Variants in ABTB2 observed in about 807,000 individuals in gnomAD.
ABTB2 encodes ankyrin repeat and BTB/POZ domain-containing protein 2.
In ABTB2, 56 loss-of-function variants were observed where a neutral mutation model predicts 104.1. That is an observed-to-expected ratio of 0.54 (90% CI 0.43 to 0.67). ABTB2 has a LOEUF of 0.67. ABTB2 is among the 30% of genes least tolerant of loss of function. The pLI is 0.00. For missense variants in ABTB2, 1,279 were observed against 1,407.7 expected (o/e 0.91, Z 1.46); for synonymous variants, 606 against 608.2 (o/e 1.00, Z 0.05).
intron 1 of ABTB2, among the ~76,000 whole-genome samples, chr11:34,353,001 G>T (rs932749497): frequency 6.6e-6 from 1 of 152,224 alleles, no homozygotes; most frequent in African/African-American, 2.4e-5. Flanking sequence ...GTTCAAGGTT[G>T]CAGTGAACTA....
intron 1 of ABTB2, among the ~76,000 whole-genome samples, chr11:34,255,616 C>G (rs1854112493): frequency 6.6e-6 from 1 of 152,116 alleles, no homozygotes; most frequent in South Asian, 2.1e-4. Context: ...ACTTCAACTT[C>G]AAGCAATTCT....
At chr11:34,289,481 G>T (rs1255825664) in intron 1 of ABTB2, among the ~76,000 whole-genome samples, 3 of 152,068 alleles carry the variant, frequency 2.0e-5, no homozygotes, top group Admixed American at 1.3e-4. Flanking sequence ...CATTCTCAAA[G>T]GTAGAAAATG....
At chr11:34,221,849 G>A (rs1230533577) in intron 1 of ABTB2, among the ~76,000 whole-genome samples, 1 of 152,210 alleles carries the variant, frequency 6.6e-6, no homozygotes, top group African/African-American at 2.4e-5. Context: ...GACCAGCCTG[G>A]TCAACATGGC....
intron 1 of ABTB2, among the ~76,000 whole-genome samples, chr11:34,317,390 C>T (rs1220227193): frequency 6.6e-6 from 1 of 152,138 alleles, no homozygotes; most frequent in Non-Finnish European, 1.5e-5. Flanking sequence ...TTGTATTTTT[C>T]CCTTGATTGC....
At position 34,152,313 on chromosome 11, in the gene ABTB2, C is replaced by T; in HGVS notation, c.*74G>A. ...CCCGTGAACCTGGCTCCAAGAGGGC[C>T]TACAACCATACCCCGACATGGTGGG... On this transcript the variant is annotated 3_prime_UTR_variant, in exon 17 of 17. Coordinates refer to ENST00000435224, the MANE Select transcript of ABTB2 (RefSeq NM_145804.3). 1 of 1,484,576 alleles carries T rather than the reference C, an allele frequency of 6.7e-7. No individual in the cohort carries two copies. The highest frequency in any genetic ancestry group is 1.3e-5 in the South Asian group (1 of 77,446). 92.0% of individuals were successfully genotyped at this position (1,484,576 alleles called of 1,614,324 possible). A position where few individuals can be genotyped will look rare whatever the true frequency, so the allele number is the denominator to read the frequency against.
At chr11:34,229,216 C>G (rs192846923) in intron 1 of ABTB2, among the ~76,000 whole-genome samples, 2 of 151,670 alleles carry the variant, frequency 1.3e-5, no homozygotes, top group African/African-American at 4.8e-5. Context: ...GGTGCGGTGG[C>G]TCACGCCTGT....
At chr11:34,335,322 G>A (rs940448217) in intron 1 of ABTB2, 15 of 1,067,772 alleles carry the variant, frequency 1.4e-5, no homozygotes, top group South Asian at 5.0e-5. Flanking sequence ...CAAACCAGAT[G>A]ATGGGTCAGT....
intron 1 of ABTB2, among the ~76,000 whole-genome samples, chr11:34,329,383 C>A (rs1343174200): frequency 6.6e-6 from 1 of 152,238 alleles, no homozygotes; most frequent in African/African-American, 2.4e-5. Context: ...CTCCACCCCC[C>A]TGCCCAGATC....
rs540584290 is a variant in ABTB2 at position 34,162,798 on chromosome 11, G to C, written c.1996C>G (p.Leu666Val). The C allele has an allele frequency of 1.2e-6, 2 of 1,602,144 alleles. No individual in the cohort carries two copies. The highest frequency in any genetic ancestry group is 2.7e-5 in the African/African-American group (2 of 75,016). Residue 666 changes from leucine to valine, a missense_variant, in exon 10 of 17, where the codon CTG (leucine) becomes GTG (valine). By Grantham distance (32) the Leu-to-Val change is conservative (BLOSUM62 1). Coordinates refer to ENST00000435224, the MANE Select transcript of ABTB2 (RefSeq NM_145804.3). ...TGTGGCTGCGTCAGGAGCTTCCTCA[G>C]GACGTTCCTGCAGGCCCAGGGATGA... ...HSAAHGHRNVLRKLLTQPQQA... is the reference protein window; with the variant it reads ...HSAAHGHRNVVRKLLTQPQQA...
chr11:34,231,163 A>G (rs773053318), intron 1 of ABTB2, among the ~76,000 whole-genome samples: 1 of 152,350 alleles, frequency 6.6e-6, no homozygotes, highest in East Asian at 1.9e-4. Flanking sequence ...TCCTAAAATG[A>G]TGAGATGGGA....
rs190296252 is a variant in ABTB2, at chr11:34,350,068, T to G, written c.883+6633A>C. 1.7e-3 allele frequency among the ~76,000 whole-genome samples: 259 copies of G among 152,266 alleles called. 4 individuals are homozygous for G. Among genetic ancestry groups the G allele is most frequent in the Non-Finnish European group, 1.7e-3 (114 of 68,012 alleles). ...TACAGTAGAGGAAATAGAAACATAG[T>G]GTGACTTGCTTGAAGGCCTAGGTCA... On this transcript the variant is annotated intron_variant, in intron 1 of 16. Transcript: ENST00000435224.
At chr11:34,335,331 G>T in intron 1 of ABTB2, 1 of 1,017,472 alleles carries the variant, frequency 9.8e-7, no homozygotes, top group Non-Finnish European at 1.6e-6. Flanking sequence ...TGATGGGTCA[G>T]TAAAGTCAGC....
At chr11:34,310,327 TC>T (rs1387770178) in intron 1 of ABTB2, among the ~76,000 whole-genome samples, 1 of 152,180 alleles carries the variant, frequency 6.6e-6, no homozygotes, top group Non-Finnish European at 1.5e-5. Flanking sequence ...AGCTCCAGCA[TC>T]TACCCTGCTG....
chr11:34,246,973 A>G, intron 1 of ABTB2, among the ~76,000 whole-genome samples: 1 of 150,002 alleles, frequency 6.7e-6, no homozygotes, highest in Non-Finnish European at 1.5e-5. Context: ...TCAGCCTCCC[A>G]AGTAGCTGGG....
chr11:34,170,912 A>G lies in ABTB2; in HGVS notation c.1557T>C (p.Asp519=). 1 of 1,613,442 alleles carries G rather than the reference A, an allele frequency of 6.2e-7. No individual in the cohort carries two copies. The highest frequency in any genetic ancestry group is 8.5e-7 in the Non-Finnish European group (1 of 1,179,718). Residue 519 remains aspartate (D), a synonymous_variant, in exon 5 of 17, where the codon GAT becomes GAC. Transcript: ENST00000435224. ...TGGAGCTCTCAGGACGTACCTGGTC[A>G]TCCATGGTGTTAACCCCATCCGGAC... ...ALGPDGVNTM[D]DQGMTPLMYA...
intron 1 of ABTB2, among the ~76,000 whole-genome samples, chr11:34,354,981 A>G (rs1033688993): frequency 6.6e-6 from 1 of 152,202 alleles, no homozygotes; most frequent in Non-Finnish European, 1.5e-5. Context: ...TTGATGCCAC[A>G]AACCTGGAGG....
intron 10 of ABTB2, 55 bp downstream of exon 10, chr11:34,162,521 C>A: frequency 6.4e-7 from 1 of 1,559,616 alleles, no homozygotes; most frequent in Non-Finnish European, 8.8e-7. Context: ...AGGGAGTGAC[C>A]GTGTGTGTCC....
At chr11:34,181,615 G>C (rs1226282763) in intron 3 of ABTB2, among the ~76,000 whole-genome samples, 1 of 152,214 alleles carries the variant, frequency 6.6e-6, no homozygotes, top group Non-Finnish European at 1.5e-5. Context: ...AAGCTAAGAA[G>C]GGCCTCGAGA....
At chr11:34,249,204 G>A (rs1043728820) in intron 1 of ABTB2, among the ~76,000 whole-genome samples, 7 of 152,216 alleles carry the variant, frequency 4.6e-5, no homozygotes, top group South Asian at 2.1e-4. Flanking sequence ...TCGTGAATGC[G>A]CAGCCTTGAG....
Sources: gnomAD v4.1 joint callset for allele counts (sites outside exome capture counted in the v4.1 genomes callset) on GRCh38, gnomAD v4.1.1 for gene constraint, MANE v1.5 for transcripts, NCBI Gene and HGNC (gene_info 2026-07-23, HGNC 2026-07-21) for gene names.